Variants in PLPPR3 observed in about 807,000 individuals in gnomAD.
The protein encoded by PLPPR3 is phospholipid phosphatase-related protein type 3.
A neutral mutation model predicts 27.3 loss-of-function variants in PLPPR3; 14 were observed. The observed-to-expected ratio is 0.51, with a 90% confidence interval of 0.34 to 0.80. The LOEUF (loss-of-function observed/expected upper bound fraction) is 0.80. Ranked by LOEUF, PLPPR3 falls within the 30% of genes least tolerant of loss-of-function variation. The pLI is 0.01. For synonymous variants in PLPPR3, 671 were observed against 508.0 expected (o/e 1.32, Z -4.32); for missense variants, 1,287 against 1,056.9 (o/e 1.22, Z -3.02).
At chr19:816,729 C>G (rs1217669518) in intron 2 of PLPPR3, among the ~76,000 whole-genome samples, 2 of 116,616 alleles carry the variant, frequency 1.7e-5, no homozygotes, top group Non-Finnish European at 3.5e-5. Flanking sequence ...CCATTCATTA[C>G]CCAGCCATTC....
chr19:817,995 T>C (rs1038608583), intron 2 of PLPPR3, among the ~76,000 whole-genome samples: 7 of 152,036 alleles, frequency 4.6e-5, no homozygotes, highest in Admixed American at 4.6e-4. Flanking sequence ...ACTTGTTCTC[T>C]CCACTTTCAT....
intron 2 of PLPPR3, among the ~76,000 whole-genome samples, chr19:816,245 G>C (rs1478662543): frequency 7.3e-6 from 1 of 136,330 alleles, no homozygotes; most frequent in East Asian, 2.3e-4. Context: ...CCATCACCTA[G>C]CCATTCATTC....
chr19:812,881 C>T lies in PLPPR3; in HGVS notation c.1846G>A (p.Asp616Asn). Residue 616 changes from aspartate (D) to asparagine (N), a missense_variant, in exon 8 of 8, where the codon GAC becomes AAC. By Grantham distance (23) the Asp-to-Asn change is conservative. Coordinates refer to ENST00000520876, the MANE Select transcript of PLPPR3 (RefSeq NM_001270366.2). Reference sequence around the variant, plus strand: ...AGGTCCCCCAGCTCGTAGCCGCCGTCGGCCTCCGCCTTGGCCCCGCCGCCC... The same window carrying T: ...AGGTCCCCCAGCTCGTAGCCGCCGTTGGCCTCCGCCTTGGCCCCGCCGCCC... ...AAGGGAKAEA[D>N]GGYELGDLAR... The T allele has an allele frequency of 1.6e-6, 2 of 1,214,076 alleles. No individual in the cohort carries two copies. Among genetic ancestry groups the T allele is most frequent in the Admixed American group, 4.7e-5 (1 of 21,266 alleles). The allele number at this position is 1,214,076 out of a possible 1,614,324, so 75.2% of individuals were successfully genotyped here.
intron 2 of PLPPR3, among the ~76,000 whole-genome samples, chr19:818,788 C>T (rs1020631621): frequency 3.9e-5 from 6 of 152,062 alleles, no homozygotes; most frequent in African/African-American, 9.7e-5. Context: ...CCACCTAGGC[C>T]TTCCAAAGTG....
At position 813,746 on chromosome 19, in the gene PLPPR3, C is replaced by T. The variant is rs1275560949; in HGVS notation, c.981G>A (p.Gly327=). Residue 327 remains glycine, a synonymous_variant, in exon 8 of 8, where the codon GGG becomes GGA. Coordinates refer to ENST00000520876, the MANE Select transcript of PLPPR3 (RefSeq NM_001270366.2). The surrounding 1 kb of genome is among the most constrained non-coding windows in gnomAD (Gnocchi z 4.1). The part of the protein sequence containing the change: ...QNKSVSTDEL[G]PPGRLEGAPR... ...GCGCGCCCTCCAGCCGCCCTGGGGG[C>T]CCCAGCTCGTCGGTGCTCACCGACT... The T allele has an allele frequency of 2.6e-6, 4 of 1,526,288 alleles. No homozygotes were observed. Among genetic ancestry groups the T allele is most frequent in the East Asian group, 2.5e-5 (1 of 40,318 alleles). The allele number at this position is 1,526,288 out of a possible 1,614,324, so 94.5% of individuals were successfully genotyped here.
Position 812,655 on chromosome 19 carries a change from C to G in PLPPR3, c.2072G>C (p.Gly691Ala), listed in dbSNP as rs1220730413. 6 of 1,079,036 alleles carry G rather than the reference C, an allele frequency of 5.6e-6. No homozygotes were observed. The highest frequency in any genetic ancestry group is 5.6e-5 in the Admixed American group (1 of 17,862). The allele number at this position is 1,079,036 out of a possible 1,614,324, so 66.8% of individuals were successfully genotyped here. Reference protein sequence around the residue: ...SRESTLRRHAGGLGLAEREAE... With the variant: ...SRESTLRRHAAGLGLAEREAE... ...CTCGCGCTCCGCCAGCCCCAGGCCG[C>G]CCGCGTGGCGCCGCAGCGTGGACTC... The change falls in exon 8 of 8, where the codon GGC becomes GCC. Residue 691 changes from glycine (G) to alanine (A), a missense_variant. Physicochemically the swap from Gly to Ala is moderately conservative, Grantham distance 60. Transcript: ENST00000520876.
chr19:814,405 G>T, intron 7 of PLPPR3, 29 bp downstream of exon 7: 1 of 1,568,398 alleles, frequency 6.4e-7, no homozygotes, highest in Non-Finnish European at 8.6e-7. Flanking sequence ...GGGAACCCAT[G>T]CCGACCCCCA....
At position 821,513 on chromosome 19, in the gene PLPPR3, G is replaced by C. The variant is rs1385973612; in HGVS notation, c.47C>G (p.Thr16Arg). 3 of 1,510,196 alleles carry C rather than the reference G, an allele frequency of 2.0e-6. No individual in the cohort carries two copies. The highest frequency in any genetic ancestry group is 1.5e-5 in the African/African-American group (1 of 68,716). The allele number at this position is 1,510,196 out of a possible 1,614,324, so 93.5% of individuals were successfully genotyped here. The change falls in exon 2 of 8, where the codon ACG becomes AGG. Residue 16 changes from threonine to arginine, a missense_variant. Coordinates refer to ENST00000520876, the MANE Select transcript of PLPPR3 (RefSeq NM_001270366.2). ...CACGAAGTAGAAGCAGGGCAGAAGCGTCATGCTGTCCTTCGGGATCTTGTT... is the reference window on the plus strand; with the variant it reads ...CACGAAGTAGAAGCAGGGCAGAAGCCTCATGCTGTCCTTCGGGATCTTGTT... ...EKNKIPKDSM[T>R]LLPCFYFVEL...
intron 2 of PLPPR3, among the ~76,000 whole-genome samples, chr19:818,914 C>T (rs932573420): frequency 1.3e-4 from 20 of 151,040 alleles, no homozygotes; most frequent in Admixed American, 1.3e-4. Flanking sequence ...CTGCCTCAGC[C>T]TCCCAAAGCA....
In PLPPR3 at chr19:813,600, G is replaced by A. The variant is rs780962686; in HGVS notation, c.1127C>T (p.Thr376Met). The A allele has an allele frequency of 4.5e-6, 7 of 1,548,406 alleles. No homozygotes were observed. Among genetic ancestry groups the A allele is most frequent in the African/African-American group, 1.4e-5 (1 of 73,054 alleles). The change falls in exon 8 of 8, where the codon ACG (threonine) becomes ATG (methionine). Residue 376 changes from threonine to methionine, a missense_variant. Physicochemically the swap from Thr to Met is moderately conservative, Grantham distance 81 (BLOSUM62 -1). Transcript: ENST00000520876. This position sits in a 1 kb window ranked among gnomAD's most constrained non-coding sequence, Gnocchi z 4.1. Reference protein sequence around the residue: ...AKENMVTFSHTLPRASAPSLD... With the variant: ...AKENMVTFSHMLPRASAPSLD... ...CGAGGGCGCGCTGGCCCTGGGCAGC[G>A]TGTGGCTGAAGGTCACCATGTTCTC...
In PLPPR3 at chr19:821,582, G is replaced by A. The variant is rs1292316125; in HGVS notation, c.-23C>T. ...CATGGTGCCGCGGGCGCCGCAGGCC[G>A]TGGCTGGAGGGGAGAAAGCGGCGCT... is the stretch of plus-strand genomic sequence containing the variant. On this transcript the variant is annotated 5_prime_UTR_variant, in exon 2 of 8. In the 5' UTR this introduces an upstream ATG that the reference lacks. Transcript: ENST00000520876. 7 of 1,467,552 alleles carry A rather than the reference G, an allele frequency of 4.8e-6. No individual in the cohort carries two copies. The highest frequency in any genetic ancestry group is 3.8e-4 in the Middle Eastern group (2 of 5,274). The allele number at this position is 1,467,552 out of a possible 1,614,324, so 90.9% of individuals were successfully genotyped here.
At chr19:819,845 G>A (rs2035120128) in intron 2 of PLPPR3, among the ~76,000 whole-genome samples, 2 of 152,038 alleles carry the variant, frequency 1.3e-5, no homozygotes, top group South Asian at 4.1e-4. Context: ...ATGGATTAAA[G>A]TTATTTTATT....
upstream of PLPPR3, among the ~76,000 whole-genome samples, chr19:822,460 A>G (rs968107016): frequency 1.3e-5 from 2 of 151,744 alleles, no homozygotes; most frequent in Non-Finnish European, 2.9e-5. Context: ...CGCCCGGAGC[A>G]TCGGAGACAA....
At chr19:818,404 A>AAAT (rs931099007) in intron 2 of PLPPR3, among the ~76,000 whole-genome samples, 2 of 151,670 alleles carry the variant, frequency 1.3e-5, no homozygotes, top group Non-Finnish European at 1.5e-5. Context: ...ATAATAAATA[A>AAAT]AATAATAATA....
rs1235517882 is a variant in PLPPR3 at position 814,953 on chromosome 19, C to G, written c.532G>C (p.Glu178Gln). The G allele has an allele frequency of 1.2e-6, 2 of 1,612,384 alleles. No individual in the cohort carries two copies. The highest frequency in any genetic ancestry group is 2.7e-5 in the African/African-American group (2 of 74,914). Reference protein sequence around the residue: ...PNYTLLGTSCEVNPYITQDIC... With the variant: ...PNYTLLGTSCQVNPYITQDIC... The stretch of plus-strand genomic sequence containing the variant: ...TCCTGCGTGATGTAGGGGTTGACCT[C>G]GCAGGACGTGCCCAGGAGAGTGTAG... The change falls in exon 5 of 8, where the codon GAG becomes CAG. Residue 178 changes from glutamate (E) to glutamine (Q), a missense_variant. Coordinates refer to ENST00000520876, the MANE Select transcript of PLPPR3 (RefSeq NM_001270366.2).
At position 813,985 on chromosome 19, in the gene PLPPR3, C is replaced by T. The variant is rs993532520; in HGVS notation, c.832-90G>A. 8.5e-6 allele frequency: 11 copies of T among 1,294,134 alleles called. No individual in the cohort carries two copies. The highest frequency in any genetic ancestry group is 2.8e-5 in the East Asian group (1 of 35,586). 80.2% of individuals were successfully genotyped at this position (1,294,134 alleles called of 1,614,324 possible). ...GGACTTGCCGCGGGGGGCTCTGGAC[C>T]GGGGGTGGGGGCTGGCAAGCTCTTG... On this transcript the variant is annotated intron_variant, in intron 7 of 7. Transcript: ENST00000520876. The surrounding 1 kb of genome is among the most constrained non-coding windows in gnomAD (Gnocchi z 4.1).
chr19:815,505 G>A lies in PLPPR3; in HGVS notation c.261+161C>T, dbSNP rs2035038635. Among the ~76,000 whole-genome samples, 3 of 151,134 alleles carry A rather than the reference G, an allele frequency of 2.0e-5. No homozygotes were observed. In the South Asian group the frequency reaches 6.2e-4, roughly 31 times the overall value. Reference sequence around the variant, plus strand: ...GGCTGGCACAGGCCCCGGTGTGGATGTTCACCGAGGTGGCAGTGGCTGCGG... The same window carrying A: ...GGCTGGCACAGGCCCCGGTGTGGATATTCACCGAGGTGGCAGTGGCTGCGG... On this transcript the variant is annotated intron_variant, in intron 3 of 7. Transcript: ENST00000520876.
intron 7 of PLPPR3, among the ~76,000 whole-genome samples, 197 bp downstream of exon 7, chr19:814,237 G>A (rs1707400656): frequency 8.0e-6 from 1 of 124,730 alleles, no homozygotes; most frequent in South Asian, 2.5e-4. Flanking sequence ...GACCCTCTGG[G>A]CCAGCCCCCC....
rs932961110 is a variant in PLPPR3 at position 812,682 on chromosome 19, C to G, written c.2045G>C (p.Arg682Pro). ...AADGALGPGS[R>P]ESTLRRHAGG... ...CGCGTGGCGCCGCAGCGTGGACTCCCGGCTGCCCGGGCCCAGCGCCCCATC... is the reference window on the plus strand; with the variant it reads ...CGCGTGGCGCCGCAGCGTGGACTCCGGGCTGCCCGGGCCCAGCGCCCCATC... Residue 682 changes from arginine to proline, a missense_variant, in exon 8 of 8, where the codon CGG (arginine) becomes CCG (proline). By Grantham distance (103) the Arg-to-Pro change is moderately radical. Transcript: ENST00000520876. 8.0e-5 allele frequency: 84 copies of G among 1,048,856 alleles called. No individual in the cohort carries two copies. Among genetic ancestry groups the G allele is most frequent in the Admixed American group, 6.9e-4 (12 of 17,452 alleles). The allele number at this position is 1,048,856 out of a possible 1,614,324, so 65.0% of individuals were successfully genotyped here.
Sources: gnomAD v4.1 joint callset for allele counts (sites outside exome capture counted in the v4.1 genomes callset) on GRCh38, gnomAD v4.1.1 for gene constraint, Gnocchi (gnomAD v3.1) non-coding constraint, MANE v1.5 for transcripts, NCBI Gene and HGNC (gene_info 2026-07-23, HGNC 2026-07-21) for gene names.